AFF2: variants seen among roughly 807,000 people sequenced by gnomAD.
AFF2 encodes AF4/FMR2 family member 2.
AFF2 carries 14 observed loss-of-function variants against 76.9 expected under a neutral mutation model. The ratio of observed to expected loss-of-function variants is 0.18; its 90% confidence interval spans 0.12 to 0.28. The LOEUF (loss-of-function observed/expected upper bound fraction) is 0.28. Among genes scored for constraint, AFF2 ranks in the 10% least tolerant of loss-of-function variants. The pLI is 1.00. For missense variants in AFF2, 868 were observed against 1,001.1 expected (o/e 0.87, Z 1.79); for synonymous variants, 398 against 366.7 (o/e 1.09, Z -0.98).
intron 1 of AFF2, among the ~76,000 whole-genome samples, chrX:148,508,282 C>A (rs181637850): frequency 8.9e-6 from 1 of 112,217 alleles, no homozygotes; most frequent in African/African-American, 3.2e-5. Context: ...CACTTGGTGA[C>A]CTTTATTAAA....
intron 1 of AFF2, among the ~76,000 whole-genome samples, chrX:148,539,049 T>A (rs782409925): frequency 2.7e-5 from 3 of 111,858 alleles, no homozygotes; most frequent in Admixed American, 9.5e-5. Flanking sequence ...AGACAGGCTC[T>A]GCTAACCAGA....
chrX:148,865,292 A>G (rs1324527185), intron 7 of AFF2, among the ~76,000 whole-genome samples: 1 of 112,502 alleles, frequency 8.9e-6, no homozygotes. Context: ...TCTGTGGTGA[A>G]TTCAGAAAAC....
intron 9 of AFF2, among the ~76,000 whole-genome samples, chrX:148,916,101 G>A (rs1557282524): frequency 9.0e-6 from 1 of 110,596 alleles, no homozygotes; most frequent in Non-Finnish European, 1.9e-5. Context: ...TGCACAGCCC[G>A]TTGGGAGATC....
At chrX:148,542,506 AG>A (rs1341286725) in intron 1 of AFF2, among the ~76,000 whole-genome samples, 1 of 111,562 alleles carries the variant, frequency 9.0e-6, no homozygotes, top group Non-Finnish European at 1.9e-5. Context: ...ACCTATTGCA[AG>A]GTCCAAATGG....
chrX:148,671,772 CTT>C (rs80051300), intron 3 of AFF2, among the ~76,000 whole-genome samples: 7 of 101,548 alleles, frequency 6.9e-5, no homozygotes, highest in African/African-American at 7.1e-5. Context: ...TATATTTCAC[CTT>C]TTTTTTTTTT....
chrX:148,623,579 T>C (rs1453552825), intron 1 of AFF2, among the ~76,000 whole-genome samples: 1 of 102,995 alleles, frequency 9.7e-6, no homozygotes, highest in Non-Finnish European at 2.0e-5. Context: ...AGTTCATATA[T>C]ATGTCCCACT....
At chrX:148,900,356 A>G (rs1373475546) in intron 8 of AFF2, among the ~76,000 whole-genome samples, 1 of 111,596 alleles carries the variant, frequency 9.0e-6, no homozygotes, top group Non-Finnish European at 1.9e-5. Context: ...AGGATTCTCT[A>G]TATAAAAGAA....
chrX:148,512,011 A>T (rs1264970580), intron 1 of AFF2, among the ~76,000 whole-genome samples: 6 of 112,191 alleles, frequency 5.3e-5, no homozygotes, highest in Non-Finnish European at 1.1e-4. Context: ...AGTGGGAGTG[A>T]AACACCCAGC....
Position 148,956,439 on chromosome X carries a change from G to A in AFF2, c.2394G>A (p.Leu798=), listed in dbSNP as rs2072041178. Residue 798 remains leucine, a synonymous_variant, in exon 11 of 21, where the codon CTG becomes CTA. Coordinates refer to ENST00000370460, the MANE Select transcript of AFF2 (RefSeq NM_002025.4). The part of the protein sequence containing the change: ...ILSPLRDHEN[L]KNLWVKIDLD... ...CCCCTCTGCGAGATCATGAGAACCT[G>A]AAAAACCTCTGGGTGAAGATTGACC... 1 of 1,211,603 alleles carries A rather than the reference G, an allele frequency of 8.3e-7. No individual in the cohort carries two copies. The highest frequency in any genetic ancestry group is 2.3e-4 in the Middle Eastern group (1 of 4,354).
intron 9 of AFF2, among the ~76,000 whole-genome samples, chrX:148,951,072 A>G (rs1211105696): frequency 9.0e-6 from 1 of 111,605 alleles, no homozygotes; most frequent in African/African-American, 3.3e-5. Flanking sequence ...TATTCAGCAT[A>G]GTACTTTTTA....
intron 1 of AFF2, among the ~76,000 whole-genome samples, chrX:148,583,246 A>G (rs1464704677): frequency 8.9e-6 from 1 of 111,937 alleles, no homozygotes; most frequent in Non-Finnish European, 1.9e-5. Context: ...AGTAAATTGT[A>G]TGGTATGTGA....
chrX:148,959,258 T>C (rs782356864), intron 12 of AFF2, among the ~76,000 whole-genome samples: 8 of 112,028 alleles, frequency 7.1e-5, no homozygotes, highest in Admixed American at 2.8e-4. Flanking sequence ...GTTATTTCTG[T>C]CTTATAAATA....
chrX:148,724,767 T>C (rs182064641), intron 3 of AFF2, among the ~76,000 whole-genome samples: 1 of 112,203 alleles, frequency 8.9e-6, no homozygotes, highest in East Asian at 2.8e-4. Flanking sequence ...TAGAGTAAGG[T>C]GTTCAATTTA....
rs958102169 is a variant in AFF2 at position 148,684,688 on chromosome X, G to A, written c.1041+21920G>A. ...ATGTTGGAGCTAAGCTCCTAAGATT[G>A]CAAATGAACCTCAATAAGCAAGTAT... On this transcript the variant is annotated intron_variant, in intron 3 of 20. Transcript: ENST00000370460. Among the ~76,000 whole-genome samples, 3 of 112,030 alleles carry A rather than the reference G, an allele frequency of 2.7e-5. No homozygotes were observed. The Admixed American group carries it at 2.8e-4, about 11-fold the overall frequency.
At chrX:148,821,240 T>C (rs781861085) in intron 4 of AFF2, among the ~76,000 whole-genome samples, 19 of 111,422 alleles carry the variant, frequency 1.7e-4, no homozygotes, top group Admixed American at 5.7e-4. Flanking sequence ...GACAATTAAA[T>C]GAGATGATGC....
At chrX:148,787,104 A>T (rs1557269572) in intron 3 of AFF2, among the ~76,000 whole-genome samples, 1 of 112,607 alleles carries the variant, frequency 8.9e-6, no homozygotes, top group African/African-American at 3.2e-5. Flanking sequence ...TGTCTGTAGG[A>T]GTGATTGAAA....
At chrX:148,621,472 T>C (rs1557251248) in intron 1 of AFF2, among the ~76,000 whole-genome samples, 1 of 111,197 alleles carries the variant, frequency 9.0e-6, no homozygotes, top group African/African-American at 3.3e-5. Context: ...TTTTTAGTGA[T>C]ACATTTTAAT....
intron 1 of AFF2, among the ~76,000 whole-genome samples, chrX:148,520,645 C>T (rs2052585275): frequency 8.9e-6 from 1 of 112,483 alleles, no homozygotes; most frequent in Non-Finnish European, 1.9e-5. Flanking sequence ...TTTCACTGAA[C>T]TCTGTAGAAG....
chrX:148,860,022 AAGG>A (rs1445199472), intron 7 of AFF2, among the ~76,000 whole-genome samples: 1 of 111,332 alleles, frequency 9.0e-6, no homozygotes, highest in Non-Finnish European at 1.9e-5. Context: ...TAGGATAAAA[AAGG>A]AGAAGTATTT....
Sources: gnomAD v4.1 joint callset for allele counts (sites outside exome capture counted in the v4.1 genomes callset) on GRCh38, gnomAD v4.1.1 for gene constraint, MANE v1.5 for transcripts, NCBI Gene and HGNC (gene_info 2026-07-23, HGNC 2026-07-21) for gene names.